Variants in NAALADL2 observed in about 807,000 individuals in gnomAD.
The protein encoded by NAALADL2 is inactive N-acetylated-alpha-linked acidic dipeptidase-like protein 2.
In NAALADL2, 76 loss-of-function variants were observed where a neutral mutation model predicts 87.2. That is an observed-to-expected ratio of 0.87 (90% CI 0.72 to 1.05). NAALADL2 has a LOEUF of 1.05. Among genes scored for constraint, NAALADL2 ranks in the 50% least tolerant of loss-of-function variants. The pLI is 0.00. For synonymous variants in NAALADL2, 354 were observed against 331.0 expected (o/e 1.07, Z -0.75); for missense variants, 1,089 against 945.8 (o/e 1.15, Z -1.99).
chr3:174,739,514 G>T (rs918422155), intron 3 of NAALADL2, among the ~76,000 whole-genome samples: 8 of 151,954 alleles, frequency 5.3e-5, no homozygotes, highest in Admixed American at 5.2e-4. Context: ...GAGCTTTTCA[G>T]TTCATGATCG....
chr3:175,313,308 A>G (rs1758621387), intron 4 of NAALADL2, among the ~76,000 whole-genome samples: 1 of 152,180 alleles, frequency 6.6e-6, no homozygotes, highest in African/African-American at 2.4e-5. Context: ...AATTCAGTCC[A>G]TAACAGTGAG....
chr3:174,949,434 G>A (rs1050801077), intron 1 of NAALADL2, among the ~76,000 whole-genome samples: 1 of 152,164 alleles, frequency 6.6e-6, no homozygotes, highest in Admixed American at 6.5e-5. Flanking sequence ...AGTAGGTAGA[G>A]TGTCAAAGTC....
At chr3:174,512,751 A>G (rs1383700441) in intron 1 of NAALADL2, among the ~76,000 whole-genome samples, 1 of 152,022 alleles carries the variant, frequency 6.6e-6, no homozygotes, top group Non-Finnish European at 1.5e-5. Flanking sequence ...TGGAGACTGC[A>G]TGGGGATTGA....
At chr3:174,519,847 T>C (rs1720167461) in intron 1 of NAALADL2, among the ~76,000 whole-genome samples, 1 of 152,042 alleles carries the variant, frequency 6.6e-6, no homozygotes, top group African/African-American at 2.4e-5. Flanking sequence ...TACCTCAAAA[T>C]AAGGAGAGCC....
chr3:175,329,667 T>C (rs991389722), intron 5 of NAALADL2, among the ~76,000 whole-genome samples: 6 of 152,190 alleles, frequency 3.9e-5, no homozygotes, highest in African/African-American at 1.4e-4. Context: ...TATTTCATTG[T>C]AAGTGTCTGG....
At chr3:175,019,291 T>C (rs1435515659) in intron 1 of NAALADL2, among the ~76,000 whole-genome samples, 1 of 152,022 alleles carries the variant, frequency 6.6e-6, no homozygotes, top group African/African-American at 2.4e-5. Context: ...CTCAATGCCT[T>C]GAATCAATTA....
At chr3:175,542,130 T>A (rs1712460155) in intron 9 of NAALADL2, among the ~76,000 whole-genome samples, 1 of 152,206 alleles carries the variant, frequency 6.6e-6, no homozygotes, top group Non-Finnish European at 1.5e-5. Flanking sequence ...ATGAAATGAC[T>A]GTTAGTGTAA....
At chr3:175,222,881 C>A (rs1743590274) in intron 2 of NAALADL2, among the ~76,000 whole-genome samples, 1 of 151,910 alleles carries the variant, frequency 6.6e-6, no homozygotes, top group Non-Finnish European at 1.5e-5. Context: ...TTTTTCAAAT[C>A]TCTTTACTGT....
At chr3:175,115,067 A>G (rs190620019) in intron 2 of NAALADL2, 4 of 151,812 alleles carry the variant, frequency 2.6e-5, no homozygotes, top group Admixed American at 2.6e-4. Flanking sequence ...TTAAAATGTC[A>G]CAGACTAAAT....
chr3:175,366,098 A>G (rs1415946755), intron 5 of NAALADL2, among the ~76,000 whole-genome samples: 1 of 127,450 alleles, frequency 7.8e-6, no homozygotes, highest in Non-Finnish European at 1.6e-5. Flanking sequence ...TGTGAGTGAG[A>G]ACATGCAGTG....
intron 2 of NAALADL2, among the ~76,000 whole-genome samples, chr3:174,604,167 A>G (rs991069145): frequency 6.6e-6 from 1 of 152,166 alleles, no homozygotes; most frequent in Non-Finnish European, 1.5e-5. Flanking sequence ...ATGTGCTGAT[A>G]GTGGGATGTT....
At chr3:175,385,628 T>A (rs1768287334) in intron 5 of NAALADL2, among the ~76,000 whole-genome samples, 1 of 152,090 alleles carries the variant, frequency 6.6e-6, no homozygotes, top group Non-Finnish European at 1.5e-5. Flanking sequence ...AGAGAATAAT[T>A]CAAATATCTC....
chr3:175,058,680 A>G (rs533946438), intron 1 of NAALADL2, among the ~76,000 whole-genome samples: 1 of 152,214 alleles, frequency 6.6e-6, no homozygotes, highest in Non-Finnish European at 1.5e-5. Context: ...AGACATCTGT[A>G]TGAAAGCTCG....
At chr3:175,280,542 G>C (rs1754157647) in intron 4 of NAALADL2, among the ~76,000 whole-genome samples, 1 of 152,054 alleles carries the variant, frequency 6.6e-6, no homozygotes, top group African/African-American at 2.4e-5. Flanking sequence ...GCAGGTTGTT[G>C]CATCTCAGCA....
At chr3:174,902,470 C>T (rs1229378140) in intron 1 of NAALADL2, among the ~76,000 whole-genome samples, 1 of 151,872 alleles carries the variant, frequency 6.6e-6, no homozygotes, top group African/African-American at 2.4e-5. Flanking sequence ...AAATAAGTTG[C>T]AACTAATCAT....
At chr3:175,190,973 C>A (rs1249822194) in intron 2 of NAALADL2, among the ~76,000 whole-genome samples, 5 of 131,424 alleles carry the variant, frequency 3.8e-5, no homozygotes, top group African/African-American at 1.4e-4. Context: ...CAGAGGGAGA[C>A]TCCGTCTCAA....
chr3:174,865,453 G>A (rs999140219), intron 1 of NAALADL2, among the ~76,000 whole-genome samples: 3 of 151,858 alleles, frequency 2.0e-5, no homozygotes, highest in Non-Finnish European at 2.9e-5. Flanking sequence ...TTGAAAACAG[G>A]TCATGAGAAG....
chr3:174,931,425 A>G (rs1363585444), intron 1 of NAALADL2, among the ~76,000 whole-genome samples: 4 of 152,174 alleles, frequency 2.6e-5, no homozygotes, highest in African/African-American at 9.7e-5. Flanking sequence ...TAAAAGTGCC[A>G]TATCGTAGAA....
chr3:174,702,065 T>G (rs781510441), intron 2 of NAALADL2, among the ~76,000 whole-genome samples: 1 of 152,184 alleles, frequency 6.6e-6, no homozygotes, highest in Non-Finnish European at 1.5e-5. Flanking sequence ...CCACTTCCTC[T>G]GTAACCCCAA....
Sources: allele counts gnomAD v4.1 joint callset (sites outside exome capture counted in the v4.1 genomes callset), GRCh38; gene constraint gnomAD v4.1.1; transcripts MANE v1.5; gene names NCBI Gene and HGNC (gene_info 2026-07-23, HGNC 2026-07-21).